Variants in PRDM9 observed in about 807,000 individuals in gnomAD.
PRDM9 encodes histone-lysine N-methyltransferase PRDM9.
In PRDM9, 47 loss-of-function variants were observed where a neutral mutation model predicts 55.6. That is an observed-to-expected ratio of 0.85 (90% CI 0.67 to 1.08). The LOEUF is 1.08. Ranked by LOEUF, PRDM9 falls within the 50% of genes least tolerant of loss-of-function variation. The pLI is 0.00. For synonymous variants in PRDM9, 312 were observed against 375.7 expected (o/e 0.83, Z 1.96); for missense variants, 867 against 1,040.3 (o/e 0.83, Z 2.29).
At chr5:23,518,854 T>G (rs1210772698) in intron 5 of PRDM9, among the ~76,000 whole-genome samples, 1 of 152,232 alleles carries the variant, frequency 6.6e-6, no homozygotes, top group Non-Finnish European at 1.5e-5. Context: ...GTCTGGTCCA[T>G]ATCTGATTCT....
intron 9 of PRDM9, among the ~76,000 whole-genome samples, chr5:23,523,625 A>C (rs933717331): frequency 6.6e-6 from 1 of 152,122 alleles, no homozygotes; most frequent in Non-Finnish European, 1.5e-5. Flanking sequence ...TTCACGGGGG[A>C]CTCTGAATTC....
intron 4 of PRDM9, among the ~76,000 whole-genome samples, chr5:23,516,183 G>T (rs528745380): frequency 2.0e-5 from 3 of 152,208 alleles, no homozygotes; most frequent in Admixed American, 2.0e-4. Context: ...TTAAATTTCT[G>T]TCGGCACCGT....
intron 4 of PRDM9, among the ~76,000 whole-genome samples, chr5:23,510,748 T>C (rs1739079759): frequency 1.3e-5 from 2 of 151,824 alleles, no homozygotes; most frequent in African/African-American, 4.8e-5. Flanking sequence ...CATAACTCAC[T>C]GCAGCCTCAA....
rs1739441222 is a variant in PRDM9 at position 23,526,599 on chromosome 5, T to C, written c.1511T>C (p.Val504Ala). 1.9e-6 allele frequency: 3 copies of C among 1,614,022 alleles called. No individual in the cohort carries two copies. The highest frequency in any genetic ancestry group is 2.5e-6 in the Non-Finnish European group (3 of 1,180,032). ...GAAGAGTCCAGAACAGGCCAGAAAG[T>C]GAATCCAGGGAACACAGGCAAATTA... ...MEEESRTGQK[V>A]NPGNTGKLFV... is the part of the protein sequence containing the mutation. Residue 504 changes from valine to alanine, a missense_variant, in exon 11 of 11, where the codon GTG (valine) becomes GCG (alanine). Transcript: ENST00000296682.
intron 9 of PRDM9, 23 bp downstream of exon 9, chr5:23,523,381 T>C (rs904503368): frequency 6.3e-7 from 1 of 1,595,346 alleles, no homozygotes; most frequent in East Asian, 2.2e-5. Context: ...GCTCTCTGAG[T>C]TGCAGAGAGA....
At chr5:23,509,855 G>A (rs1454913959) in intron 3 of PRDM9, 65 bp from the exon 4 acceptor site, 3 of 1,563,632 alleles carry the variant, frequency 1.9e-6, no homozygotes, top group East Asian at 4.5e-5. Context: ...GCTTTCCATT[G>A]CCACTGCCCT....
At chr5:23,519,061 TG>T (rs1347486301) in intron 5 of PRDM9, among the ~76,000 whole-genome samples, 1 of 152,158 alleles carries the variant, frequency 6.6e-6, no homozygotes, top group Admixed American at 6.5e-5. Flanking sequence ...TTTTTCTGGG[TG>T]GTGGTGGGGT....
chr5:23,522,413 A>G lies in PRDM9; in HGVS notation c.610+8A>G, dbSNP rs747816297. ...AGGATGATGATTACCTCTGTAAGTG[A>G]CACTTTTGGCCACTCACACAGCTTG... On this transcript the variant is annotated splice_region_variant and intron_variant, in intron 7 of 10. Coordinates refer to ENST00000296682, the MANE Select transcript of PRDM9 (RefSeq NM_020227.4). The G allele has an allele frequency of 6.2e-7, 1 of 1,611,202 alleles. No individual in the cohort carries two copies. The highest frequency in any genetic ancestry group is 8.5e-7 in the Non-Finnish European group (1 of 1,177,422).
intron 5 of PRDM9, 67 bp downstream of exon 5, chr5:23,517,997 G>A: frequency 7.1e-7 from 1 of 1,410,032 alleles, no homozygotes; most frequent in South Asian, 1.2e-5. Context: ...GTAAGAGGAG[G>A]AGAATGTACA....
intron 4 of PRDM9, among the ~76,000 whole-genome samples, chr5:23,516,768 G>A (rs1739218291): frequency 6.8e-6 from 1 of 146,936 alleles, no homozygotes; most frequent in Non-Finnish European, 1.5e-5. Context: ...CGCCCAGGCT[G>A]GAGTGCAGTG....
chr5:23,523,621 G>A (rs1353739061), intron 9 of PRDM9, among the ~76,000 whole-genome samples: 2 of 152,090 alleles, frequency 1.3e-5, no homozygotes, highest in Admixed American at 6.6e-5. Context: ...TAGATTCACG[G>A]GGGACTCTGA....
chr5:23,512,979 A>T (rs1739129819), intron 4 of PRDM9, among the ~76,000 whole-genome samples: 1 of 152,196 alleles, frequency 6.6e-6, no homozygotes, highest in South Asian at 2.1e-4. Context: ...AAGGCTGAAT[A>T]ATATTCCACT....
chr5:23,521,462 C>T (rs978065885), intron 6 of PRDM9, among the ~76,000 whole-genome samples: 13 of 152,284 alleles, frequency 8.5e-5, no homozygotes, highest in African/African-American at 1.4e-4. Flanking sequence ...CTCAGTCACC[C>T]GAGTAGCTGG....
In PRDM9 at chr5:23,522,404, CT is replaced by C. The variant is rs993866486; in HGVS notation, c.610del (p.Tyr204IlefsTer22). On this transcript the variant is annotated frameshift_variant and splice_region_variant, in exon 7 of 11. Transcript: ENST00000296682. LOFTEE classifies it high-confidence loss of function. Reference protein sequence around the residue: ...VSEPQDDDYLYCEMCQNFFID... With the variant: ...VSEPQDDDYLXCEMCQNFFID... The stretch of plus-strand genomic sequence containing the variant: ...GCGAGCCGCAGGATGATGATTACCT[CT>C]GTAAGTGACACTTTTGGCCACTCAC... 1 of 1,612,958 alleles carries C rather than the reference CT, an allele frequency of 6.2e-7. No homozygotes were observed. The highest frequency in any genetic ancestry group is 8.5e-7 in the Non-Finnish European group (1 of 1,178,902).
rs773503383 is a variant in PRDM9 at position 23,522,667 on chromosome 5, C to A, written c.664C>A (p.Pro222Thr). ...TGACAGCTGTGCTGCCCATGGGCCC[C>A]CTACATTTGTAAAGGACAGTGCAGT... ...FIDSCAAHGP[P>T]TFVKDSAVDK... Residue 222 changes from proline to threonine, a missense_variant, in exon 8 of 11, where the codon CCT becomes ACT. Physicochemically the swap from Pro to Thr is conservative, Grantham distance 38. This residue lies in a region of PRDM9 where 662 missense variants were observed against 711.9 expected (regional missense o/e 0.93). Transcript: ENST00000296682. 6.2e-7 allele frequency: 1 copy of A among 1,614,110 alleles called. No homozygotes were observed. Among genetic ancestry groups the A allele is most frequent in the South Asian group, 1.1e-5 (1 of 91,092 alleles).
At chr5:23,524,768 G>A (rs1739400189) in intron 10 of PRDM9, among the ~76,000 whole-genome samples, 1 of 152,152 alleles carries the variant, frequency 6.6e-6, no homozygotes, top group African/African-American at 2.4e-5. Flanking sequence ...GTATATAACA[G>A]CATATAGTGC....
chr5:23,509,727 T>G, intron 3 of PRDM9, 134 bp downstream of exon 3: 1 of 1,535,904 alleles, frequency 6.5e-7, no homozygotes, highest in South Asian at 1.1e-5. Flanking sequence ...TGGAGGGAAA[T>G]TTTGTTCTTT....
At chr5:23,510,130 C>G (rs1739064503) in intron 4 of PRDM9, 103 bp downstream of exon 4, 3 of 1,147,938 alleles carry the variant, frequency 2.6e-6, no homozygotes, top group Admixed American at 2.3e-5. Flanking sequence ...TCTTGGCTCA[C>G]TGCAATCTCC....
intron 2 of PRDM9, 129 bp downstream of exon 2, chr5:23,509,231 C>G (rs1739040732): frequency 7.2e-7 from 1 of 1,386,250 alleles, no homozygotes; most frequent in Admixed American, 1.9e-5. Flanking sequence ...TGGTCCTGGC[C>G]AGGACATGGG....
Sources: gnomAD v4.1 joint callset for allele counts (sites outside exome capture counted in the v4.1 genomes callset) on GRCh38, gnomAD v4.1.1 for gene constraint, gnomAD v4.1.1 regional missense constraint, MANE v1.5 for transcripts, NCBI Gene and HGNC (gene_info 2026-07-23, HGNC 2026-07-21) for gene names.